The following FBN2 variants were observed in gnomAD, a reference collection of about 807,000 sequenced individuals.
The protein encoded by FBN2 is fibrillin-2.
Under a neutral mutation model 355.6 loss-of-function variants are expected in FBN2, and 105 were observed. The observed-to-expected ratio is 0.30, with a 90% confidence interval of 0.25 to 0.35. The LOEUF (loss-of-function observed/expected upper bound fraction) is 0.35, where lower values mean the gene tolerates loss of function less well. Among genes scored for constraint, FBN2 ranks in the 10% least tolerant of loss-of-function variants. The pLI, the probability that FBN2 is intolerant of heterozygous loss-of-function variation, is 1.00. For missense variants in FBN2, 3,280 were observed against 3,758.7 expected (o/e 0.87, Z 3.33); for synonymous variants, 1,350 against 1,301.2 (o/e 1.04, Z -0.81).
intron 5 of FBN2, among the ~76,000 whole-genome samples, chr5:128,515,501 C>G (rs76429055): frequency 0.014 from 2,126 of 152,158 alleles, 52 homozygotes; most frequent in African/African-American, 0.048. Context: ...TGAGTGAGAG[C>G]CCCTGACTAG....
chr5:128,283,462 C>A (rs1217146579), intron 55 of FBN2, among the ~76,000 whole-genome samples: 1 of 152,202 alleles, frequency 6.6e-6, no homozygotes, highest in South Asian at 2.1e-4. Flanking sequence ...AAAGCGGCCA[C>A]TTTAGTTCTC....
intron 48 of FBN2, among the ~76,000 whole-genome samples, chr5:128,291,881 A>T (rs1410180165): frequency 1.3e-5 from 2 of 151,978 alleles, no homozygotes; most frequent in Non-Finnish European, 2.9e-5. Context: ...CCTGTCTTTG[A>T]TCTTTAGGGG....
rs35072875 is a variant in FBN2, at chr5:128,377,550, CA to C, written c.1849+201del. ...TATAACATCTCCTCCCCTCCACCAC[CA>C]AAAAAAAAAAACCAAAAAACAAACA... On this transcript the variant is annotated intron_variant, in intron 13 of 64. Transcript: ENST00000262464. 0.46 allele frequency among the ~76,000 whole-genome samples: 65,985 copies of C among 143,184 alleles called. 15,559 individuals carry two copies. The highest frequency in any genetic ancestry group is 0.95 in the East Asian group (4,792 of 5,046). 93.9% of individuals were successfully genotyped at this position (143,184 alleles called of 152,430 possible).
At chr5:128,383,658 C>A (rs1389341033) in intron 11 of FBN2, among the ~76,000 whole-genome samples, 1 of 151,982 alleles carries the variant, frequency 6.6e-6, no homozygotes, top group African/African-American at 2.4e-5. Context: ...TGAACTGACC[C>A]TTTACCAAAG....
At chr5:128,505,377 G>C (rs112862964) in intron 5 of FBN2, among the ~76,000 whole-genome samples, 4,762 of 152,262 alleles carry the variant, frequency 0.031, 106 homozygotes, top group South Asian at 0.059. Context: ...GAAAAAAAGT[G>C]TATGTGGCCA....
At chr5:128,512,382 G>A (rs986809271) in intron 5 of FBN2, among the ~76,000 whole-genome samples, 7 of 151,842 alleles carry the variant, frequency 4.6e-5, no homozygotes, top group Non-Finnish European at 1.0e-4. Context: ...GGGTGGTGGC[G>A]CATGCCTGTA....
chr5:128,298,109 T>C (rs889562013), intron 48 of FBN2, among the ~76,000 whole-genome samples: 1 of 151,474 alleles, frequency 6.6e-6, no homozygotes, highest in Non-Finnish European at 1.5e-5. Context: ...TTAGTTTGGC[T>C]GGATATGAAA....
intron 6 of FBN2, among the ~76,000 whole-genome samples, chr5:128,459,688 C>T (rs1298567858): frequency 1.3e-5 from 2 of 152,132 alleles, no homozygotes; most frequent in Non-Finnish European, 2.9e-5. Flanking sequence ...TAATCCATCA[C>T]ATAAACAGAA....
chr5:128,311,806 C>T, intron 38 of FBN2, 79 bp downstream of exon 38: 1 of 1,026,610 alleles, frequency 9.7e-7, no homozygotes, highest in South Asian at 1.3e-5. Flanking sequence ...GGCTGCTCTG[C>T]CCTAGGTTTT....
intron 34 of FBN2, among the ~76,000 whole-genome samples, chr5:128,322,305 A>G (rs1039823886): frequency 6.6e-6 from 1 of 152,080 alleles, no homozygotes; most frequent in African/African-American, 2.4e-5. Flanking sequence ...CCCACTTGTC[A>G]ATTTTGGCTT....
intron 25 of FBN2, among the ~76,000 whole-genome samples, chr5:128,340,389 C>T (rs951263397): frequency 6.6e-6 from 1 of 152,120 alleles, no homozygotes; most frequent in African/African-American, 2.4e-5. Flanking sequence ...ATTTATTTCC[C>T]TCATTACTGG....
At chr5:128,282,469 C>T (rs1052599273) in intron 55 of FBN2, among the ~76,000 whole-genome samples, 17 of 151,788 alleles carry the variant, frequency 1.1e-4, no homozygotes, top group African/African-American at 3.6e-4. Context: ...TCAAAAAGGG[C>T]TTTTGAACTA....
At chr5:128,456,852 C>G (rs1009211878) in intron 6 of FBN2, among the ~76,000 whole-genome samples, 4 of 152,032 alleles carry the variant, frequency 2.6e-5, no homozygotes, top group Admixed American at 2.6e-4. Flanking sequence ...GAGAAAGAAT[C>G]AATGAAAAAA....
chr5:128,360,119 C>A (rs1414370555), intron 19 of FBN2, among the ~76,000 whole-genome samples: 1 of 151,856 alleles, frequency 6.6e-6, no homozygotes, highest in African/African-American at 2.4e-5. Context: ...AGACAACAGA[C>A]AAAACTGAAA....
chr5:128,271,905 T>C (rs1765276201), intron 62 of FBN2, 94 bp downstream of exon 62: 2 of 1,430,410 alleles, frequency 1.4e-6, no homozygotes, highest in African/African-American at 1.4e-5. Context: ...ATTCAAAGGC[T>C]ATACTGAAAT....
At chr5:128,448,801 T>C (rs1754144833) in intron 6 of FBN2, among the ~76,000 whole-genome samples, 1 of 152,170 alleles carries the variant, frequency 6.6e-6, no homozygotes, top group African/African-American at 2.4e-5. Flanking sequence ...GTTGTCTATA[T>C]TCCTTGAACA....
chr5:128,379,659 TG>T (rs2126961150), intron 11 of FBN2, among the ~76,000 whole-genome samples: 1 of 152,220 alleles, frequency 6.6e-6, no homozygotes, highest in Non-Finnish European at 1.5e-5. Context: ...ATTCAGGGGC[TG>T]AAAAACCAAA....
intron 7 of FBN2, among the ~76,000 whole-genome samples, chr5:128,427,614 T>C (rs1160330398): frequency 1.3e-5 from 2 of 152,234 alleles, no homozygotes; most frequent in Non-Finnish European, 2.9e-5. Flanking sequence ...CAATTGCAAA[T>C]TGGAAAATAT....
intron 6 of FBN2, among the ~76,000 whole-genome samples, chr5:128,452,425 A>T (rs1754275202): frequency 6.6e-6 from 1 of 152,206 alleles, no homozygotes; most frequent in African/African-American, 2.4e-5. Flanking sequence ...TAACAAAGCA[A>T]CAATAATTCT....
Sources: allele counts gnomAD v4.1 joint callset (sites outside exome capture counted in the v4.1 genomes callset), GRCh38; gene constraint gnomAD v4.1.1; transcripts MANE v1.5; gene names NCBI Gene and HGNC (gene_info 2026-07-23, HGNC 2026-07-21).